Variants in ABLIM1 observed in about 807,000 individuals in gnomAD.
The protein encoded by ABLIM1 is actin-binding LIM protein 1.
ABLIM1 carries 40 observed loss-of-function variants against 107.0 expected under a neutral mutation model. The ratio of observed to expected loss-of-function variants is 0.37; its 90% confidence interval spans 0.29 to 0.49. The LOEUF (loss-of-function observed/expected upper bound fraction) is 0.49, where lower values mean the gene tolerates loss of function less well. Ranked by LOEUF, ABLIM1 falls within the 20% of genes least tolerant of loss-of-function variation. ABLIM1 has a pLI of 0.97. For missense variants in ABLIM1, 857 were observed against 1,008.5 expected (o/e 0.85, Z 2.04); for synonymous variants, 357 against 357.3 (o/e 1.00, Z 0.01).
the ABLIM1 span, among the ~76,000 whole-genome samples, chr10:114,787,346 C>T: frequency 6.6e-6 from 1 of 152,044 alleles, no homozygotes; most frequent in East Asian, 2.0e-4. Context: ...CGGCAGCCAC[C>T]CCGTCTGGGA....
rs2058861439 is a variant in ABLIM1, at chr10:114,431,559, T to A, written c.*4701A>T. 1 of 152,184 alleles carries A rather than the reference T, an allele frequency of 6.6e-6. No homozygotes were observed. The highest frequency in any genetic ancestry group is 1.5e-5 in the Non-Finnish European group (1 of 68,028). 9.4% of individuals were successfully genotyped at this position (152,184 alleles called of 1,614,324 possible). On this transcript the variant is annotated 3_prime_UTR_variant, in exon 23 of 23. Transcript: ENST00000533213. ...CATAAAACCCCAAAAGAACATCAGTTTTGTGGACAATGGTTTCCTCTGCTG... is the reference window on the plus strand; with the variant it reads ...CATAAAACCCCAAAAGAACATCAGTATTGTGGACAATGGTTTCCTCTGCTG...
chr10:114,684,499 C>G, exon 1 of ABLIM1: 10 of 1,430,398 alleles, frequency 7.0e-6, no homozygotes, highest in Non-Finnish European at 9.2e-6. Context: ...GGGTGTGCCA[C>G]CGGTGGGTGT....
At position 114,483,925 on chromosome 10, in the gene ABLIM1, T is replaced by A. The variant is rs892919293; in HGVS notation, c.1041+4033A>T. Reference sequence around the variant, plus strand: ...GACCCCTAAAGACGGTCAGGTACACTGTGCATGCAGCATAATCTCCAGCCT... The same window carrying A: ...GACCCCTAAAGACGGTCAGGTACACAGTGCATGCAGCATAATCTCCAGCCT... On this transcript the variant is annotated intron_variant, in intron 8 of 22. Transcript: ENST00000533213. Among the ~76,000 whole-genome samples, 5 of 152,154 alleles carry A rather than the reference T, an allele frequency of 3.3e-5. No homozygotes were observed. The East Asian group carries it at 9.7e-4, about 29-fold the overall frequency.
At chr10:114,565,804 T>TTTTTTTTTG (rs2070628214) in intron 4 of ABLIM1, among the ~76,000 whole-genome samples, 1 of 111,548 alleles carries the variant, frequency 9.0e-6, no homozygotes, top group African/African-American at 3.8e-5. Context: ...TTTTTTTTTT[T>TTTTTTTTTG]TTTTTTTTGA....
intron 12 of ABLIM1, chr10:114,463,226 C>T: frequency 1.7e-6 from 2 of 1,203,752 alleles, no homozygotes; most frequent in Non-Finnish European, 2.1e-6. Context: ...CAGAAATTAA[C>T]ACAGGAGCAG....
chr10:114,499,746 C>A (rs1462817468), intron 6 of ABLIM1, among the ~76,000 whole-genome samples: 1 of 152,150 alleles, frequency 6.6e-6, no homozygotes, highest in African/African-American at 2.4e-5. Context: ...AAGGGAGTAA[C>A]AGAGATGTGC....
intron 1 of ABLIM1, among the ~76,000 whole-genome samples, chr10:114,613,195 C>A (rs1023877155): frequency 6.6e-6 from 1 of 152,238 alleles, no homozygotes; most frequent in Non-Finnish European, 1.5e-5. Context: ...AAGATAATAA[C>A]TCCTGTGATC....
At chr10:114,638,634 C>CAT (rs1286533204) in intron 1 of ABLIM1, among the ~76,000 whole-genome samples, 3 of 48,644 alleles carry the variant, frequency 6.2e-5, no homozygotes, top group African/African-American at 3.0e-4. Context: ...CACACACACA[C>CAT]ACACACACAC....
chr10:114,788,339 A>AT, the ABLIM1 span, among the ~76,000 whole-genome samples: 2 of 131,086 alleles, frequency 1.5e-5, no homozygotes, highest in East Asian at 2.0e-4. Context: ...AAAAATAAAA[A>AT]AAAAAAAAAT....
chr10:114,683,462 A>C (rs1404337520), intron 1 of ABLIM1, among the ~76,000 whole-genome samples: 1 of 152,182 alleles, frequency 6.6e-6, no homozygotes, highest in Non-Finnish European at 1.5e-5. Flanking sequence ...TGTACCTCGT[A>C]ACAAGTGTAT....
intron 1 of ABLIM1, among the ~76,000 whole-genome samples, chr10:114,704,271 G>GCGCTCTCTCT (rs1415589522): frequency 4.9e-5 from 2 of 40,976 alleles, no homozygotes; most frequent in South Asian, 1.6e-3. Flanking sequence ...TCTCTCTCTC[G>GCGCTCTCTCT]CTCTCTCTCT....
chr10:114,553,376 A>G (rs1321473794), intron 4 of ABLIM1, among the ~76,000 whole-genome samples: 2 of 152,218 alleles, frequency 1.3e-5, no homozygotes, highest in African/African-American at 4.8e-5. Context: ...ATTTTTGGCT[A>G]AAACCTCCGA....
chr10:114,694,648 C>A (rs2081157770), intron 1 of ABLIM1, among the ~76,000 whole-genome samples: 1 of 151,496 alleles, frequency 6.6e-6, no homozygotes, highest in Admixed American at 6.6e-5. Flanking sequence ...TGATTCCTGA[C>A]AAATATTAGT....
At chr10:114,750,202 C>T (rs919105521) in intron 1 of ABLIM1, among the ~76,000 whole-genome samples, 5 of 152,058 alleles carry the variant, frequency 3.3e-5, no homozygotes, top group Admixed American at 6.6e-5. Flanking sequence ...TAATACTGTT[C>T]CTACTATTCA....
chr10:114,464,876 T>C (rs1348348714), intron 12 of ABLIM1, among the ~76,000 whole-genome samples: 1 of 152,158 alleles, frequency 6.6e-6, no homozygotes, highest in East Asian at 1.9e-4. Context: ...CTGTCACCAT[T>C]AAGTTTTATT....
intron 1 of ABLIM1, among the ~76,000 whole-genome samples, chr10:114,614,999 G>A (rs1257484004): frequency 2.0e-5 from 3 of 149,948 alleles, no homozygotes; most frequent in Admixed American, 6.7e-5. Flanking sequence ...GCAGTGAGCC[G>A]TGATCATGCC....
intron 2 of ABLIM1, among the ~76,000 whole-genome samples, chr10:114,593,350 T>C (rs1161555160): frequency 2.0e-5 from 3 of 152,088 alleles, no homozygotes; most frequent in Non-Finnish European, 2.9e-5. Context: ...TCCAATATAA[T>C]GGATACTGGC....
chr10:114,542,480 A>G lies in ABLIM1; in HGVS notation c.894+2525T>C, dbSNP rs923421909. ...AGAAGAAGATGATGATGAAGAAGGA[A>G]GAAAGATGAAAGAAGAAGGAAGAAA... On this transcript the variant is annotated intron_variant, in intron 6 of 22. Coordinates refer to ENST00000533213, the MANE Select transcript of ABLIM1 (RefSeq NM_002313.7). Among the ~76,000 whole-genome samples, 2 of 151,516 alleles carry G rather than the reference A, an allele frequency of 1.3e-5. 1 individual carries two copies. Among genetic ancestry groups the G allele is most frequent in the Non-Finnish European group, 2.9e-5 (2 of 67,868 alleles).
chr10:114,778,825 C>T, the ABLIM1 span: 2 of 152,178 alleles, frequency 1.3e-5, no homozygotes. Context: ...TGTGGACTAA[C>T]CCGTGTTAAA....
Sources: allele counts gnomAD v4.1 joint callset (sites outside exome capture counted in the v4.1 genomes callset), GRCh38; gene constraint gnomAD v4.1.1; transcripts MANE v1.5; gene names NCBI Gene and HGNC (gene_info 2026-07-23, HGNC 2026-07-21).